Variants in OFD1 observed in about 807,000 individuals in gnomAD.
OFD1 encodes the protein centriole and centriolar satellite protein OFD1.
OFD1 carries 12 observed loss-of-function variants against 81.4 expected under a neutral mutation model. The ratio of observed to expected loss-of-function variants is 0.15; its 90% CI spans 0.09 to 0.24. OFD1 has a LOEUF of 0.24. OFD1 is among the 10% of genes least tolerant of loss of function. The pLI, the probability that OFD1 is intolerant of heterozygous loss-of-function variation, is 1.00. For synonymous variants in OFD1, 256 were observed against 263.7 expected (o/e 0.97, Z 0.28); for missense variants, 685 against 733.9 (o/e 0.93, Z 0.77).
At chrX:13,772,800 A>C (rs1217808687), downstream of OFD1, 4 of 939,548 alleles carry the variant, frequency 4.3e-6, no homozygotes, top group Non-Finnish European at 6.0e-6. Context: ...GTTTGGTGGG[A>C]TACACATCTG....
At chrX:13,741,015 C>A (rs1406252559) in intron 5 of OFD1, among the ~76,000 whole-genome samples, 1 of 109,791 alleles carries the variant, frequency 9.1e-6, no homozygotes, top group East Asian at 2.8e-4. Context: ...TGGCGTGCAC[C>A]TGTAGTCCCA....
At chrX:13,740,785 T>C (rs1423708593) in intron 5 of OFD1, among the ~76,000 whole-genome samples, 1 of 96,414 alleles carries the variant, frequency 1.0e-5, no homozygotes. Context: ...AGAGCTGGAC[T>C]CCATCTCAAA....
intron 6 of OFD1, among the ~76,000 whole-genome samples, 199 bp from the exon 7 acceptor site, chrX:13,746,120 A>G (rs2047286650): frequency 8.9e-6 from 1 of 112,443 alleles, no homozygotes; most frequent in Non-Finnish European, 1.9e-5. Flanking sequence ...TGTCACTATT[A>G]CACTTGTGTT....
intron 5 of OFD1, among the ~76,000 whole-genome samples, chrX:13,743,949 C>A: frequency 9.0e-6 from 1 of 111,490 alleles, no homozygotes; most frequent in Admixed American, 9.6e-5. Context: ...TCTCCTTATT[C>A]CTTCCAGGTT....
At position 13,764,482 on chromosome X, in the gene OFD1, C is replaced by G. The variant is rs1364398407; in HGVS notation, c.2599+627C>G. ...TCCTCCAGATTACCCACTTCCCTCC[C>G]TGCGGGTGGAGGGAGACGGGAAGAG... is the stretch of plus-strand genomic sequence containing the variant. On this transcript the variant is annotated intron_variant, in intron 19 of 22. Transcript: ENST00000340096. Among the ~76,000 whole-genome samples, 3 of 111,574 alleles carry G rather than the reference C, an allele frequency of 2.7e-5. No homozygotes were observed. In the Admixed American group the frequency reaches 2.8e-4, roughly 11 times the overall value.
chrX:13,756,104 C>T (rs765045539), intron 12 of OFD1, among the ~76,000 whole-genome samples: 50 of 109,073 alleles, frequency 4.6e-4, no homozygotes, highest in Non-Finnish European at 2.1e-4. Flanking sequence ...CAGCCATGTG[C>T]CACCACACCC....
At chrX:13,741,975 A>C (rs2047122946) in intron 5 of OFD1, among the ~76,000 whole-genome samples, 1 of 111,960 alleles carries the variant, frequency 8.9e-6, no homozygotes, top group Middle Eastern at 4.6e-3. Context: ...TATGCAGGTT[A>C]CGGGGGTTAC....
Position 13,761,107 on chromosome X carries a change from T to C in OFD1, c.2283T>C (p.Ala761=). 1 of 1,211,312 alleles carries C rather than the reference T, an allele frequency of 8.3e-7. No individual in the cohort carries two copies. The highest frequency in any genetic ancestry group is 1.1e-6 in the Non-Finnish European group (1 of 895,226). ...TAGGTCTGGGCAGATCACACATTGC[T>C]TCCCCCAGTCCTTGTCCTGACAGAA... is the stretch of plus-strand genomic sequence containing the variant. ...YLEGLGRSHI[A]SPSPCPDRMP... is the part of the protein sequence containing the mutation. The change falls in exon 17 of 23, where the codon GCT becomes GCC. Residue 761 remains alanine (A), a synonymous_variant. Transcript: ENST00000340096.
At chrX:13,754,438 A>G (rs1259448239) in intron 11 of OFD1, among the ~76,000 whole-genome samples, 1 of 98,459 alleles carries the variant, frequency 1.0e-5, no homozygotes, top group Non-Finnish European at 2.0e-5. Context: ...TTTTTAAGAG[A>G]CGGAGTCTTG....
the OFD1 span, among the ~76,000 whole-genome samples, chrX:13,724,702 T>C: frequency 8.9e-6 from 1 of 112,313 alleles, no homozygotes; most frequent in Non-Finnish European, 1.9e-5. Context: ...GATGGGTGAT[T>C]TCTGCATTTC....
chrX:13,747,026 A>G, intron 8 of OFD1, 73 bp downstream of exon 8: 1 of 939,903 alleles, frequency 1.1e-6, no homozygotes, highest in Middle Eastern at 3.5e-4. Flanking sequence ...ATCCAGCAAC[A>G]GGATGGTACA....
intron 5 of OFD1, chrX:13,740,194 CTCTACTGAAGT>C (rs2047035828): frequency 1.0e-6 from 1 of 957,440 alleles, no homozygotes. Context: ...ACTAGACCAT[CTCTACTGAAGT>C]TCAGTATGGT....
intron 17 of OFD1, among the ~76,000 whole-genome samples, chrX:13,761,885 G>A (rs1400044631): frequency 2.8e-5 from 3 of 106,163 alleles, no homozygotes; most frequent in Non-Finnish European, 5.8e-5. Context: ...TGCCACATGG[G>A]CCTGTCGTAG....
At position 13,761,100 on chromosome X, in the gene OFD1, A is replaced by T; in HGVS notation, c.2276A>T (p.His759Leu). ...TGCACCTTAGGTCTGGGCAGATCACACATTGCTTCCCCCAGTCCTTGTCCT... is the reference window on the plus strand; with the variant it reads ...TGCACCTTAGGTCTGGGCAGATCACTCATTGCTTCCCCCAGTCCTTGTCCT... ...EMYLEGLGRS[H>L]IASPSPCPDR... Residue 759 changes from histidine (H) to leucine (L), a missense_variant, in exon 17 of 23, where the codon CAC becomes CTC. Around this residue, in one of 3 missense-constraint regions of OFD1, gnomAD observed 259 missense variants for 254.4 expected, o/e 1.02. Coordinates refer to ENST00000340096, the MANE Select transcript of OFD1 (RefSeq NM_003611.3). 2 of 1,211,368 alleles carry T rather than the reference A, an allele frequency of 1.7e-6. No homozygotes were observed. Among genetic ancestry groups the T allele is most frequent in the Non-Finnish European group, 2.2e-6 (2 of 895,257 alleles).
the OFD1 span, among the ~76,000 whole-genome samples, chrX:13,724,698 T>C: frequency 8.9e-6 from 1 of 111,982 alleles, no homozygotes; most frequent in South Asian, 3.7e-4. Context: ...AGAAGATGGG[T>C]GATTTCTGCA....
chrX:13,731,151 G>A (rs763104980), upstream of OFD1, among the ~76,000 whole-genome samples: 2 of 112,328 alleles, frequency 1.8e-5, no homozygotes, highest in African/African-American at 3.2e-5. Context: ...ATTAACAAAT[G>A]TGATTGCATA....
chrX:13,718,341 G>T, the OFD1 span, among the ~76,000 whole-genome samples: 5 of 113,179 alleles, frequency 4.4e-5, no homozygotes, highest in African/African-American at 1.6e-4. Context: ...TTAGAGAAAT[G>T]GATGTTTTTG....
rs764168915 is a variant in OFD1, at chrX:13,736,506, A to G, written c.140A>G (p.Glu47Gly). 8.3e-6 allele frequency: 10 copies of G among 1,211,044 alleles called. No individual in the cohort carries two copies. Among genetic ancestry groups the G allele is most frequent in the Non-Finnish European group, 1.1e-5 (10 of 895,012 alleles). Residue 47 changes from glutamate (E) to glycine (G), a missense_variant, in exon 3 of 23, where the codon GAG (glutamate) becomes GGG (glycine). Physicochemically the swap from Glu to Gly is moderately conservative, Grantham distance 98. Coordinates refer to ENST00000340096, the MANE Select transcript of OFD1 (RefSeq NM_003611.3). The stretch of plus-strand genomic sequence containing the variant: ...CAACTTCGAAACCAGCTAATTCATG[A>G]GTTGATGCACCCTGTATTGAGTGGA... Reference protein sequence around the residue: ...KTQLRNQLIHELMHPVLSGEL... With the variant: ...KTQLRNQLIHGLMHPVLSGEL...
At chrX:13,734,404 C>T (rs1414224108), upstream of OFD1, 7 of 273,071 alleles carry the variant, frequency 2.6e-5, no homozygotes, top group South Asian at 1.2e-4. Flanking sequence ...CTGGCAGGTC[C>T]GGCCCGGCCA....
Sources: gnomAD v4.1 joint callset for allele counts (sites outside exome capture counted in the v4.1 genomes callset) on GRCh38, gnomAD v4.1.1 for gene constraint, gnomAD v4.1.1 regional missense constraint, MANE v1.5 for transcripts, NCBI Gene and HGNC (gene_info 2026-07-23, HGNC 2026-07-21) for gene names.